TANK: variants seen among roughly 807,000 people sequenced by gnomAD.
TANK encodes TRAF family member-associated NF-kappa-B activator.
Under a neutral mutation model 43.6 loss-of-function variants are expected in TANK, and 15 were observed. The observed-to-expected ratio is 0.34, with a 90% CI of 0.23 to 0.53. The LOEUF (loss-of-function observed/expected upper bound fraction) is 0.53, where lower values mean the gene tolerates loss of function less well. TANK is among the 20% of genes least tolerant of loss of function. The pLI, the probability that TANK is intolerant of heterozygous loss-of-function variation, is 0.94. For synonymous variants in TANK, 162 were observed against 178.2 expected (o/e 0.91, Z 0.73); for missense variants, 417 against 498.6 (o/e 0.84, Z 1.56).
In TANK at chr2:161,231,092, A is replaced by G. The variant is rs1687889598; in HGVS notation, c.642A>G (p.Pro214=). ...CACCATCCATCACATCTGTCACACC[A>G]AGAGGACTGTGCAGAGATGAGGAAG... ...RGAPSITSVT[P]RGLCRDEEDT... Residue 214 remains proline, a synonymous_variant, in exon 7 of 8, where the codon CCA becomes CCG. Coordinates refer to ENST00000392749, the MANE Select transcript of TANK (RefSeq NM_001199135.3). 6.2e-7 allele frequency: 1 copy of G among 1,614,146 alleles called. No homozygotes were observed. The highest frequency in any genetic ancestry group is 1.7e-5 in the Admixed American group (1 of 60,016).
Position 161,179,886 on chromosome 2 carries a change from G to T in TANK, c.99+125G>T, listed in dbSNP as rs961262449. The T allele has an allele frequency of 3.0e-6, 4 of 1,350,064 alleles. No individual in the cohort carries two copies. The African/African-American group carries it at 6.0e-5, about 20-fold the overall frequency. 83.6% of individuals were successfully genotyped at this position (1,350,064 alleles called of 1,614,324 possible). A position where few individuals can be genotyped will look rare whatever the true frequency, so the allele number is the denominator to read the frequency against. On this transcript the variant is annotated intron_variant, in intron 2 of 7. Coordinates refer to ENST00000392749, the MANE Select transcript of TANK (RefSeq NM_001199135.3). ...AAGAACTATAATTACAGAAATGCAG[G>T]TATATATTAATGGATTAAATTTGAA...
At chr2:161,160,214 T>C (rs1036127513), upstream of TANK, 4 of 388,042 alleles carry the variant, frequency 1.0e-5, no homozygotes, top group African/African-American at 2.1e-5. Context: ...CTTCCGCTGC[T>C]GACGCTTTTT....
chr2:161,224,833 A>G (rs1687530366), intron 6 of TANK, 87 bp downstream of exon 6: 4 of 795,306 alleles, frequency 5.0e-6, no homozygotes, highest in Non-Finnish European at 7.9e-6. Context: ...CTGAATGCCT[A>G]TTAAGTGTGT....
chr2:161,203,139 A>T (rs3769974), intron 2 of TANK, among the ~76,000 whole-genome samples: 1 of 151,982 alleles, frequency 6.6e-6, no homozygotes, highest in African/African-American at 2.4e-5. Context: ...TCACTTTAAT[A>T]TAGCATCTGT....
chr2:161,222,915 CTG>C (rs748851549), intron 4 of TANK: 5 of 151,796 alleles, frequency 3.3e-5, no homozygotes, highest in East Asian at 1.9e-4. Flanking sequence ...GAAAAACAAA[CTG>C]AAATCAAGTC....
At chr2:161,139,895 G>T in intron 1 of TANK, 1 of 984,990 alleles carries the variant, frequency 1.0e-6, no homozygotes, top group Non-Finnish European at 1.2e-6. Flanking sequence ...TACAACTGTG[G>T]TAAGCAAAAT....
chr2:161,213,283 A>C (rs1389608901), intron 4 of TANK, among the ~76,000 whole-genome samples: 1 of 152,110 alleles, frequency 6.6e-6, no homozygotes, highest in Non-Finnish European at 1.5e-5. Context: ...AGTTTATCTT[A>C]TTATTATAAC....
intron 2 of TANK, among the ~76,000 whole-genome samples, chr2:161,184,238 A>C (rs1307864510): frequency 6.6e-6 from 1 of 152,160 alleles, no homozygotes; most frequent in Admixed American, 6.6e-5. Flanking sequence ...AAAGTTATTG[A>C]AGGATTATTT....
intron 1 of TANK, among the ~76,000 whole-genome samples, chr2:161,165,815 C>G (rs1684652727): frequency 6.6e-6 from 1 of 152,156 alleles, no homozygotes; most frequent in Non-Finnish European, 1.5e-5. Flanking sequence ...GAGAGGATAC[C>G]CCTTAAAGAT....
chr2:161,144,395 A>G (rs1050797702), intron 1 of TANK, among the ~76,000 whole-genome samples: 1 of 151,934 alleles, frequency 6.6e-6, no homozygotes, highest in Admixed American at 6.6e-5. Context: ...TTTAATTGTG[A>G]TGTTAGGTTG....
upstream of TANK, among the ~76,000 whole-genome samples, chr2:161,155,588 T>G (rs1393472955): frequency 6.6e-6 from 1 of 152,240 alleles, no homozygotes; most frequent in East Asian, 1.9e-4. Context: ...AGGTCAAATC[T>G]TTCCCAGGCA....
chr2:161,198,307 T>C (rs1686248486), intron 2 of TANK, among the ~76,000 whole-genome samples: 1 of 152,228 alleles, frequency 6.6e-6, no homozygotes, highest in Non-Finnish European at 1.5e-5. Context: ...AGTCTTTTAC[T>C]CCCATTTCTC....
intron 2 of TANK, among the ~76,000 whole-genome samples, chr2:161,192,270 C>A (rs1685950853): frequency 6.6e-6 from 1 of 152,162 alleles, no homozygotes; most frequent in Admixed American, 6.5e-5. Flanking sequence ...TACATATTCA[C>A]CATTTTTTCT....
chr2:161,218,601 G>A (rs1183113385), intron 4 of TANK, among the ~76,000 whole-genome samples: 1 of 152,190 alleles, frequency 6.6e-6, no homozygotes, highest in African/African-American at 2.4e-5. Context: ...GGCTGCAGCA[G>A]GAAGACTGCT....
At chr2:161,218,645 G>A (rs557549453) in intron 4 of TANK, among the ~76,000 whole-genome samples, 36 of 152,298 alleles carry the variant, frequency 2.4e-4, no homozygotes, top group Admixed American at 2.2e-3. Context: ...TCTGCTCAAC[G>A]TTGCAAGACC....
chr2:161,234,286 G>A (rs2105182040), intron 7 of TANK, among the ~76,000 whole-genome samples: 1 of 152,286 alleles, frequency 6.6e-6, no homozygotes, highest in East Asian at 1.9e-4. Context: ...ACTAGGATGT[G>A]TGACTTTAAA....
At position 161,206,533 on chromosome 2, in the gene TANK, A is replaced by G. The variant is rs541668532; in HGVS notation, c.327+1740A>G. Among the ~76,000 whole-genome samples, 10 of 152,240 alleles carry G rather than the reference A, an allele frequency of 6.6e-5. No homozygotes were observed. The South Asian group carries it at 1.0e-3, about 16-fold the overall frequency. ...TGAGAGCTTTTTTCTATAAATAAAA[A>G]TTTTAGAATAAGAAGTTCTCTTGGT... On this transcript the variant is annotated intron_variant, in intron 4 of 7. Transcript: ENST00000392749.
intron 1 of TANK, among the ~76,000 whole-genome samples, chr2:161,177,838 A>G (rs1685236152): frequency 6.6e-6 from 1 of 152,108 alleles, no homozygotes; most frequent in Non-Finnish European, 1.5e-5. Flanking sequence ...ATAAAAAGAG[A>G]AATAACCCAT....
chr2:161,187,897 A>T (rs565763315), intron 2 of TANK, among the ~76,000 whole-genome samples: 2 of 152,346 alleles, frequency 1.3e-5, no homozygotes, highest in South Asian at 4.1e-4. Context: ...GAAGTCAGCA[A>T]AAGAAAAAGT....
Sources: allele counts gnomAD v4.1 joint callset (sites outside exome capture counted in the v4.1 genomes callset), GRCh38; gene constraint gnomAD v4.1.1; transcripts MANE v1.5; gene names NCBI Gene and HGNC (gene_info 2026-07-23, HGNC 2026-07-21).